The following TRPC4 variants were observed in gnomAD, a reference collection of about 807,000 sequenced individuals.
TRPC4 encodes the protein short transient receptor potential channel 4.
A neutral mutation model predicts 99.4 loss-of-function variants in TRPC4; 49 were observed. The observed-to-expected ratio is 0.49, with a 90% confidence interval of 0.39 to 0.63. The LOEUF (loss-of-function observed/expected upper bound fraction) is 0.63. Ranked by LOEUF, TRPC4 falls within the 20% of genes least tolerant of loss-of-function variation. The pLI is 0.00. For synonymous variants in TRPC4, 454 were observed against 425.9 expected (o/e 1.07, Z -0.81); for missense variants, 898 against 1,152.9 (o/e 0.78, Z 3.20).
intron 6 of TRPC4, among the ~76,000 whole-genome samples, chr13:37,658,871 T>C (rs1952334507): frequency 6.6e-6 from 1 of 152,086 alleles, no homozygotes; most frequent in African/African-American, 2.4e-5. Flanking sequence ...AGCCTGACAC[T>C]GGGCATTCAG....
intron 1 of TRPC4, among the ~76,000 whole-genome samples, chr13:37,841,123 A>C (rs1484874928): frequency 6.6e-6 from 1 of 152,166 alleles, no homozygotes; most frequent in Non-Finnish European, 1.5e-5. Flanking sequence ...TTATAATAAT[A>C]ACAGGTGATT....
intron 1 of TRPC4, among the ~76,000 whole-genome samples, chr13:37,813,426 A>G (rs111732658): frequency 0.015 from 2,266 of 151,838 alleles, 29 homozygotes; most frequent in Middle Eastern, 0.045. Flanking sequence ...CAGAGAAACA[A>G]TAGGAAGAAT....
chr13:37,784,433 C>A (rs1381450489), intron 1 of TRPC4, among the ~76,000 whole-genome samples: 1 of 151,948 alleles, frequency 6.6e-6, no homozygotes, highest in Admixed American at 6.6e-5. Flanking sequence ...GATCTGGTAT[C>A]GTCCTAGTGA....
intron 1 of TRPC4, among the ~76,000 whole-genome samples, chr13:37,860,757 C>T (rs1035291952): frequency 1.3e-5 from 2 of 151,438 alleles, no homozygotes; most frequent in African/African-American, 4.8e-5. Flanking sequence ...TCATATACGG[C>T]AGCTCCTCTG....
At chr13:37,651,027 G>A (rs1952028581) in intron 8 of TRPC4, among the ~76,000 whole-genome samples, 1 of 152,188 alleles carries the variant, frequency 6.6e-6, no homozygotes, top group African/African-American at 2.4e-5. Context: ...AGGGCTGTGT[G>A]AAGAGCGGGA....
chr13:37,832,067 G>A lies in TRPC4; in HGVS notation c.-28+37528C>T, dbSNP rs78988119. 8.9e-3 allele frequency among the ~76,000 whole-genome samples: 1,358 copies of A among 152,234 alleles called. 35 individuals are homozygous for A. In the East Asian group the frequency reaches 0.1, roughly 11 times the overall value. On this transcript the variant is annotated intron_variant, in intron 1 of 10. Transcript: ENST00000379705. ...TCTTACCAAAAAGAAATGATAAGTA[G>A]GTGAGGTAATAAATATATTGATTAG...
chr13:37,747,425 T>A (rs1955818212), intron 2 of TRPC4, among the ~76,000 whole-genome samples: 1 of 152,196 alleles, frequency 6.6e-6, no homozygotes, highest in Non-Finnish European at 1.5e-5. Context: ...GCTTTAGCAC[T>A]TTTAGTTTAT....
intron 4 of TRPC4, among the ~76,000 whole-genome samples, chr13:37,685,394 G>A (rs1470767866): frequency 6.6e-6 from 1 of 152,104 alleles, no homozygotes; most frequent in Non-Finnish European, 1.5e-5. Context: ...TGCAAGGAAT[G>A]TAAATTCTCT....
chr13:37,783,450 A>G, intron 1 of TRPC4, 90 bp from the exon 2 acceptor site: 1 of 990,126 alleles, frequency 1.0e-6, no homozygotes, highest in Non-Finnish European at 1.4e-6. Flanking sequence ...CAGTGATATC[A>G]ATAACAACAA....
At chr13:37,799,382 C>G (rs1286216140) in intron 1 of TRPC4, among the ~76,000 whole-genome samples, 1 of 152,046 alleles carries the variant, frequency 6.6e-6, no homozygotes, top group Non-Finnish European at 1.5e-5. Context: ...GTTTTCTGTT[C>G]CTTCTACTGC....
chr13:37,739,457 T>A (rs1191024687), intron 3 of TRPC4, among the ~76,000 whole-genome samples: 1 of 151,994 alleles, frequency 6.6e-6, no homozygotes, highest in Non-Finnish European at 1.5e-5. Flanking sequence ...GCTCTCCTTC[T>A]CTAAGAGTTA....
chr13:37,635,213 G>T lies in TRPC4; in HGVS notation c.*1690C>A, dbSNP rs909532081. Among the ~76,000 whole-genome samples, 6 of 152,032 alleles carry T rather than the reference G, an allele frequency of 3.9e-5. No homozygotes were observed. The highest frequency in any genetic ancestry group is 4.8e-5 in the African/African-American group (2 of 41,416). On this transcript the variant is annotated 3_prime_UTR_variant, in exon 11 of 11. Transcript: ENST00000379705. ...AGTGGCAATTGTAACCCCTGTATAT[G>T]CATGTTTTATAACTTGCTCTTTTTA...
Position 37,664,046 on chromosome 13 carries a change from G to C in TRPC4, c.1375-317C>G, listed in dbSNP as rs189854102. ...AAATCGTCCCGGCAGTTGCTGAATT[G>C]CTAACTTTTTACATTTAATATGCAG... On this transcript the variant is annotated intron_variant, in intron 5 of 10. Transcript: ENST00000379705. 4.3e-3 allele frequency among the ~76,000 whole-genome samples: 649 copies of C among 152,186 alleles called. 2 individuals carry two copies. Among genetic ancestry groups the C allele is most frequent in the African/African-American group, 0.015 (614 of 41,502 alleles).
At chr13:37,714,051 C>T (rs1427490130) in intron 3 of TRPC4, among the ~76,000 whole-genome samples, 4 of 151,184 alleles carry the variant, frequency 2.6e-5, no homozygotes, top group Non-Finnish European at 5.9e-5. Flanking sequence ...TTCCTTCCTT[C>T]CCTCCTTCCT....
At chr13:37,650,396 G>A (rs1004788482) in intron 8 of TRPC4, among the ~76,000 whole-genome samples, 5 of 152,064 alleles carry the variant, frequency 3.3e-5, no homozygotes, top group South Asian at 2.1e-4. Flanking sequence ...TGAGGAAGGC[G>A]TGAAGAATGA....
At chr13:37,714,098 T>C (rs988934940) in intron 3 of TRPC4, among the ~76,000 whole-genome samples, 14 of 151,824 alleles carry the variant, frequency 9.2e-5, no homozygotes, top group African/African-American at 2.9e-4. Context: ...TCTTTTCTTT[T>C]CTTTTTTTTC....
intron 1 of TRPC4, among the ~76,000 whole-genome samples, chr13:37,839,666 A>G (rs1352263221): frequency 1.3e-5 from 2 of 152,138 alleles, no homozygotes; most frequent in Admixed American, 6.6e-5. Flanking sequence ...TAGATGAGAA[A>G]CCTGGGGATT....
At chr13:37,794,650 C>G (rs533732297) in intron 1 of TRPC4, among the ~76,000 whole-genome samples, 1 of 152,280 alleles carries the variant, frequency 6.6e-6, no homozygotes, top group African/African-American at 2.4e-5. Flanking sequence ...ATTGTCGCTG[C>G]CAACAAACCA....
At position 37,674,219 on chromosome 13, in the gene TRPC4, A is replaced by C. The variant is rs774363892; in HGVS notation, c.1374+9T>G. ...CATATGCTTTACCAACAACATAAAT[A>C]ATAGTTACCTTTACAAATGCAACAA... On this transcript the variant is annotated intron_variant, in intron 5 of 10. Transcript: ENST00000379705. 3 of 1,574,562 alleles carry C rather than the reference A, an allele frequency of 1.9e-6. No homozygotes were observed. The highest frequency in any genetic ancestry group is 2.6e-6 in the Non-Finnish European group (3 of 1,162,904).
Sources: allele counts gnomAD v4.1 joint callset (sites outside exome capture counted in the v4.1 genomes callset), GRCh38; gene constraint gnomAD v4.1.1; transcripts MANE v1.5; gene names NCBI Gene and HGNC (gene_info 2026-07-23, HGNC 2026-07-21).